ZNF226: variants seen among roughly 807,000 people sequenced by gnomAD.
ZNF226 encodes the protein Kruppel-associated box protein.
Under a neutral mutation model 11.4 loss-of-function variants are expected in ZNF226, and 6 were observed. The ratio of observed to expected loss-of-function variants is 0.53; its 90% CI spans 0.29 to 1.04. ZNF226 has a LOEUF of 1.04. Among genes scored for constraint, ZNF226 ranks in the 50% least tolerant of loss-of-function variants. The pLI, the probability that ZNF226 is intolerant of heterozygous loss-of-function variation, is 0.08. For missense variants in ZNF226, 1,058 were observed against 956.5 expected (o/e 1.11, Z -1.40); for synonymous variants, 350 against 322.8 (o/e 1.08, Z -0.90).
At chr19:44,195,060 GA>G in the ZNF226 span, among the ~76,000 whole-genome samples, 1 of 152,122 alleles carries the variant, frequency 6.6e-6, no homozygotes, top group African/African-American at 2.4e-5. Context: ...AAATTCAGTA[GA>G]AAATACATGC....
chr19:44,165,948 C>T (rs915108703), intron 2 of ZNF226, 141 bp downstream of exon 2: 4 of 152,184 alleles, frequency 2.6e-5, no homozygotes, highest in Non-Finnish European at 5.9e-5. Flanking sequence ...AAATGAACAC[C>T]TTTCCACTAT....
downstream of ZNF226, among the ~76,000 whole-genome samples, chr19:44,180,841 A>AT (rs1054515044): frequency 1.3e-5 from 2 of 151,928 alleles, no homozygotes; most frequent in African/African-American, 4.8e-5. Context: ...TTCCAAAATG[A>AT]TTTTTTTTGA....
At chr19:44,189,429 G>C in the ZNF226 span, among the ~76,000 whole-genome samples, 1 of 152,116 alleles carries the variant, frequency 6.6e-6, no homozygotes, top group African/African-American at 2.4e-5. Flanking sequence ...AATTTATCCA[G>C]GTATGCATGT....
At chr19:44,182,148 G>T (rs1970914786), downstream of ZNF226, among the ~76,000 whole-genome samples, 1 of 152,134 alleles carries the variant, frequency 6.6e-6, no homozygotes, top group African/African-American at 2.4e-5. Flanking sequence ...TATGAAACTT[G>T]GATGCAAAAA....
chr19:44,194,995 G>C, the ZNF226 span, among the ~76,000 whole-genome samples: 21,301 of 152,148 alleles, frequency 0.14, 3,801 homozygotes, highest in African/African-American at 0.41. Context: ...AAAATTTTAA[G>C]CCAGGCTTGC....
chr19:44,194,712 G>A, the ZNF226 span, among the ~76,000 whole-genome samples: 1 of 151,956 alleles, frequency 6.6e-6, no homozygotes, highest in Non-Finnish European at 1.5e-5. Flanking sequence ...TTTTCTTTAA[G>A]TCAGTTAAAT....
the ZNF226 span, among the ~76,000 whole-genome samples, chr19:44,187,625 A>G: frequency 2.0e-5 from 3 of 151,480 alleles, no homozygotes; most frequent in Non-Finnish European, 3.0e-5. The surrounding 1 kb of genome is among the most constrained non-coding windows in gnomAD (Gnocchi z 4.0). Flanking sequence ...TCTTCTCTCT[A>G]TTTTCTACTC....
chr19:44,166,415 C>T (rs755085913), intron 2 of ZNF226, among the ~76,000 whole-genome samples: 6 of 152,124 alleles, frequency 3.9e-5, no homozygotes, highest in Non-Finnish European at 5.9e-5. Context: ...GCAGGAGAAT[C>T]GCTTGAACCC....
intron 5 of ZNF226, 200 bp from the exon 6 acceptor site, chr19:44,175,298 G>A (rs1970575773): frequency 2.1e-6 from 3 of 1,402,466 alleles, no homozygotes; most frequent in Non-Finnish European, 2.8e-6. Context: ...TTAGCAATTG[G>A]GAGCTTGGTG....
chr19:44,176,141 A>C lies in ZNF226; in HGVS notation c.879A>C (p.Pro293=). The C allele has an allele frequency of 6.2e-7, 1 of 1,614,184 alleles. No individual in the cohort carries two copies. Among genetic ancestry groups the C allele is most frequent in the Non-Finnish European group, 8.5e-7 (1 of 1,180,016 alleles). The change falls in exon 6 of 6, where the codon CCA becomes CCC. Residue 293 remains proline, a synonymous_variant. Coordinates refer to ENST00000337433, the MANE Select transcript of ZNF226 (RefSeq NM_001032373.2). ...GTGGAAAAGGCTTCTGTTACAGCCC[A>C]GTTCTTCCTGTTCATCAGAAAGTAC... ...VERGKGFCYS[P]VLPVHQKVHV...
At chr19:44,171,871 T>A (rs1970136590) in intron 3 of ZNF226, among the ~76,000 whole-genome samples, 1 of 152,244 alleles carries the variant, frequency 6.6e-6, no homozygotes, top group African/African-American at 2.4e-5. Context: ...AATTCCCTTA[T>A]AAGAGTACTC....
chr19:44,194,666 A>G, the ZNF226 span, among the ~76,000 whole-genome samples: 1 of 152,208 alleles, frequency 6.6e-6, no homozygotes, highest in Admixed American at 6.5e-5. Flanking sequence ...TGAGTTAACT[A>G]CTATTTTTCT....
chr19:44,199,043 T>G, the ZNF226 span, among the ~76,000 whole-genome samples: 1 of 152,100 alleles, frequency 6.6e-6, no homozygotes, highest in African/African-American at 2.4e-5. Context: ...CCTCAGGTGA[T>G]CCGCCCGCCT....
At chr19:44,167,494 A>G (rs1969541095) in intron 2 of ZNF226, among the ~76,000 whole-genome samples, 1 of 151,530 alleles carries the variant, frequency 6.6e-6, no homozygotes, top group South Asian at 2.1e-4. Context: ...ATTTTTTTGT[A>G]TTTTTAGTAG....
downstream of ZNF226, among the ~76,000 whole-genome samples, chr19:44,180,207 G>A (rs914146966): frequency 7.9e-5 from 12 of 152,022 alleles, no homozygotes; most frequent in South Asian, 2.1e-4. Context: ...AAAGATGTGC[G>A]TAGGGAGAGA....
At chr19:44,169,087 C>T (rs899415414) in intron 2 of ZNF226, among the ~76,000 whole-genome samples, 5 of 140,268 alleles carry the variant, frequency 3.6e-5, no homozygotes, top group Non-Finnish European at 1.5e-5. Flanking sequence ...CAGCTGACTG[C>T]AACCTCCGCC....
At chr19:44,178,347 A>AT (rs1389540543), downstream of ZNF226, 1 of 152,090 alleles carries the variant, frequency 6.6e-6, no homozygotes, top group Non-Finnish European at 1.5e-5. Context: ...TACTACACTT[A>AT]TTTTTTCAAC....
chr19:44,172,607 A>G, intron 4 of ZNF226: 2 of 489,846 alleles, frequency 4.1e-6, no homozygotes, highest in Non-Finnish European at 7.2e-6. Context: ...GTGATGTGAG[A>G]ACCAATGGGA....
At position 44,177,616 on chromosome 19, in the gene ZNF226, G is replaced by A. The variant is rs549637437; in HGVS notation, c.2354G>A (p.Ser785Asn). The A allele has an allele frequency of 4.3e-6, 7 of 1,612,906 alleles. No individual in the cohort carries two copies. The South Asian group carries it at 6.6e-5, about 15-fold the overall frequency. ...RIHVGDKSYKSNRGGKNIRES... is the reference protein window; with the variant it reads ...RIHVGDKSYKNNRGGKNIRES... ...CATGTTGGTGATAAATCCTATAAAA[G>A]TAATAGGGGTGGTAAGAACATCAGA... is the stretch of plus-strand genomic sequence containing the variant. Residue 785 changes from serine (S) to asparagine (N), a missense_variant, in exon 6 of 6, where the codon AGT becomes AAT. Transcript: ENST00000337433.
Sources: allele counts gnomAD v4.1 joint callset (sites outside exome capture counted in the v4.1 genomes callset), GRCh38; gene constraint gnomAD v4.1.1; non-coding constraint Gnocchi (gnomAD v3.1); transcripts MANE v1.5; gene names NCBI Gene and HGNC (gene_info 2026-07-23, HGNC 2026-07-21).